The following ARHGAP42 variants were observed in gnomAD, a reference collection of about 807,000 sequenced individuals.
The protein encoded by ARHGAP42 is rho GTPase-activating protein 42.
Under a neutral mutation model 125.0 loss-of-function variants are expected in ARHGAP42, and 63 were observed. That is an observed-to-expected ratio of 0.50 (90% CI 0.41 to 0.62). The LOEUF is 0.62. Ranked by LOEUF, ARHGAP42 falls within the 20% of genes least tolerant of loss-of-function variation. The pLI is 0.00. For missense variants in ARHGAP42, 766 were observed against 1,024.2 expected (o/e 0.75, Z 3.44); for synonymous variants, 339 against 351.0 (o/e 0.97, Z 0.38).
intron 3 of ARHGAP42, among the ~76,000 whole-genome samples, chr11:100,815,325 T>G (rs1864243558): frequency 6.6e-6 from 1 of 152,216 alleles, no homozygotes; most frequent in Non-Finnish European, 1.5e-5. Flanking sequence ...ATCATTTCCA[T>G]GTTGATAGTC....
chr11:100,690,257 G>A (rs1192731578), intron 1 of ARHGAP42, among the ~76,000 whole-genome samples: 2 of 151,250 alleles, frequency 1.3e-5, no homozygotes, highest in East Asian at 4.1e-4. Context: ...TTTTAGCACG[G>A]CACTGTTATT....
At chr11:100,833,581 T>C (rs997851642) in intron 3 of ARHGAP42, among the ~76,000 whole-genome samples, 1 of 152,138 alleles carries the variant, frequency 6.6e-6, no homozygotes, top group African/African-American at 2.4e-5. Flanking sequence ...AAGGATGATA[T>C]ATGGTTCTTT....
Position 100,868,071 on chromosome 11 carries a change from A to G in ARHGAP42, c.384+8446A>G, listed in dbSNP as rs1289349898. 2.0e-5 allele frequency among the ~76,000 whole-genome samples: 3 copies of G among 152,202 alleles called. No homozygotes were observed. The East Asian group carries it at 5.8e-4, about 29-fold the overall frequency. On this transcript the variant is annotated intron_variant, in intron 4 of 23. Transcript: ENST00000298815. ...TGGTGTCAAAGATCACTGATTGCAG[A>G]TCACCATGACAAATATAATAATAAT...
intron 3 of ARHGAP42, among the ~76,000 whole-genome samples, chr11:100,837,304 CT>C (rs920046340): frequency 2.0e-5 from 3 of 151,948 alleles, no homozygotes; most frequent in Non-Finnish European, 4.4e-5. Context: ...ACCACAGAAT[CT>C]TTTTTTCAAG....
At chr11:100,824,682 A>G (rs1323402921) in intron 3 of ARHGAP42, among the ~76,000 whole-genome samples, 2 of 152,218 alleles carry the variant, frequency 1.3e-5, no homozygotes, top group Non-Finnish European at 1.5e-5. Context: ...ATCATCATAG[A>G]TGACAGATTT....
intron 8 of ARHGAP42, among the ~76,000 whole-genome samples, chr11:100,938,028 C>T (rs1867780974): frequency 6.7e-6 from 1 of 150,048 alleles, no homozygotes; most frequent in South Asian, 2.1e-4. Context: ...ATGATAAAGC[C>T]CTTTGTGGTA....
chr11:100,691,680 T>TGC (rs1861194001), intron 1 of ARHGAP42, among the ~76,000 whole-genome samples: 1 of 152,126 alleles, frequency 6.6e-6, no homozygotes, highest in Non-Finnish European at 1.5e-5. Context: ...CAGGCCAGGC[T>TGC]AATTTTTGAT....
At chr11:100,891,305 G>A (rs960964217) in intron 4 of ARHGAP42, among the ~76,000 whole-genome samples, 5 of 151,822 alleles carry the variant, frequency 3.3e-5, no homozygotes, top group African/African-American at 9.7e-5. Flanking sequence ...GGTTGCTCCT[G>A]TTTTCATATA....
intron 4 of ARHGAP42, among the ~76,000 whole-genome samples, chr11:100,877,831 C>A (rs1428977277): frequency 6.6e-6 from 1 of 151,784 alleles, no homozygotes; most frequent in African/African-American, 2.4e-5. Context: ...GCAGTGAAAC[C>A]CCGTCTCCAG....
intron 7 of ARHGAP42, among the ~76,000 whole-genome samples, chr11:100,935,738 A>G (rs576472): frequency 0.73 from 111,274 of 151,764 alleles, 41,128 homozygotes; most frequent in African/African-American, 0.81. Context: ...ACAAGTTTTC[A>G]CTAAATCAGT....
At chr11:100,823,295 A>G (rs986786550) in intron 3 of ARHGAP42, among the ~76,000 whole-genome samples, 1 of 152,182 alleles carries the variant, frequency 6.6e-6, no homozygotes, top group African/African-American at 2.4e-5. Flanking sequence ...TTTGTGAAAG[A>G]TCGTGCCCTG....
chr11:100,774,426 A>G (rs1362200307), intron 2 of ARHGAP42, among the ~76,000 whole-genome samples: 1 of 152,226 alleles, frequency 6.6e-6, no homozygotes, highest in African/African-American at 2.4e-5. Flanking sequence ...AGGTAGGGAC[A>G]GCTGTGACTC....
intron 3 of ARHGAP42, among the ~76,000 whole-genome samples, chr11:100,845,035 ACCCAAATTCCTAT>A (rs1457530860): frequency 2.0e-5 from 3 of 152,108 alleles, no homozygotes; most frequent in African/African-American, 4.8e-5. Flanking sequence ...CGTGGATACA[ACCCAAATTCCTAT>A]CAATCAACAA....
intron 4 of ARHGAP42, among the ~76,000 whole-genome samples, chr11:100,881,114 G>A (rs1183707236): frequency 6.6e-6 from 1 of 152,026 alleles, no homozygotes; most frequent in Non-Finnish European, 1.5e-5. Context: ...ATTTATCTTT[G>A]TTTCTTTGTA....
intron 8 of ARHGAP42, among the ~76,000 whole-genome samples, chr11:100,940,983 G>GC (rs1867869019): frequency 6.6e-6 from 1 of 152,100 alleles, no homozygotes; most frequent in African/African-American, 2.4e-5. Flanking sequence ...AGAAATGAAA[G>GC]CAAGAAAGAG....
At chr11:100,852,817 C>G (rs758571630) in intron 3 of ARHGAP42, among the ~76,000 whole-genome samples, 3 of 152,140 alleles carry the variant, frequency 2.0e-5, no homozygotes, top group Non-Finnish European at 4.4e-5. Context: ...CTGGAGTGGT[C>G]TAATTGTGCC....
At position 100,818,361 on chromosome 11, in the gene ARHGAP42, C is replaced by G. The variant is rs1046948649; in HGVS notation, c.312+23195C>G. Among the ~76,000 whole-genome samples, 23 of 152,116 alleles carry G rather than the reference C, an allele frequency of 1.5e-4. 1 individual carries two copies. Among genetic ancestry groups the G allele is most frequent in the African/African-American group, 5.3e-4 (22 of 41,422 alleles). On this transcript the variant is annotated intron_variant, in intron 3 of 23. Transcript: ENST00000298815. Reference sequence around the variant, plus strand: ...AGATGCTGAGTTATTGACGGAGATGCATGTACATAACGTCAGTGATGTAGG... The same window carrying G: ...AGATGCTGAGTTATTGACGGAGATGGATGTACATAACGTCAGTGATGTAGG...
At chr11:100,690,009 C>T (rs1171541067) in intron 1 of ARHGAP42, among the ~76,000 whole-genome samples, 1 of 152,090 alleles carries the variant, frequency 6.6e-6, no homozygotes, top group Non-Finnish European at 1.5e-5. Flanking sequence ...ACTGGCTGCC[C>T]CTGCCCTGAC....
rs1868130848 is a variant in ARHGAP42, at chr11:100,949,908, GT to G, written c.1123-3del. 3.4e-6 allele frequency: 5 copies of G among 1,463,078 alleles called. No individual in the cohort carries two copies. The South Asian group carries it at 5.2e-5, about 15-fold the overall frequency. The allele number at this position is 1,463,078 out of a possible 1,614,324, so 90.6% of individuals were successfully genotyped here. A position where few individuals can be genotyped will look rare whatever the true frequency, so the allele number is the denominator to read the frequency against. Reference sequence around the variant, plus strand: ...TGGAAGTAACTAATGGACATCCTTTGTTTTTTAGATTTATACTCTGCCTGCC... The same window carrying G: ...TGGAAGTAACTAATGGACATCCTTTGTTTTTAGATTTATACTCTGCCTGCC... On this transcript the variant is annotated splice_polypyrimidine_tract_variant and splice_region_variant and intron_variant, in intron 11 of 23. Coordinates refer to ENST00000298815, the MANE Select transcript of ARHGAP42 (RefSeq NM_152432.4).
Sources: gnomAD v4.1 joint callset for allele counts (sites outside exome capture counted in the v4.1 genomes callset) on GRCh38, gnomAD v4.1.1 for gene constraint, MANE v1.5 for transcripts, NCBI Gene and HGNC (gene_info 2026-07-23, HGNC 2026-07-21) for gene names.